NUAK1: variants seen among roughly 807,000 people sequenced by gnomAD.
NUAK1 encodes the protein NUAK family SNF1-like kinase 1.
In NUAK1, 26 loss-of-function variants were observed where a neutral mutation model predicts 56.9. The ratio of observed to expected loss-of-function variants is 0.46; its 90% CI spans 0.33 to 0.63. NUAK1 has a LOEUF of 0.63. Ranked by LOEUF, NUAK1 falls within the 30% of genes least tolerant of loss-of-function variation. The pLI, the probability that NUAK1 is intolerant of heterozygous loss-of-function variation, is 0.02. For missense variants in NUAK1, 727 were observed against 876.1 expected (o/e 0.83, Z 2.15); for synonymous variants, 337 against 336.0 (o/e 1.00, Z -0.03).
At chr12:106,129,986 T>TC (rs200236560) in intron 1 of NUAK1, among the ~76,000 whole-genome samples, 74 of 152,064 alleles carry the variant, frequency 4.9e-4, no homozygotes, top group East Asian at 1.9e-3. Context: ...CCTTTTTTTT[T>TC]TCTCTCTCTC....
At chr12:106,119,588 C>T (rs959183292) in intron 1 of NUAK1, among the ~76,000 whole-genome samples, 1 of 152,156 alleles carries the variant, frequency 6.6e-6, no homozygotes, top group African/African-American at 2.4e-5. Flanking sequence ...CTAGACACAG[C>T]CTCACTGACA....
At chr12:106,089,567 G>A (rs2032614303) in intron 2 of NUAK1, among the ~76,000 whole-genome samples, 1 of 152,170 alleles carries the variant, frequency 6.6e-6, no homozygotes, top group African/African-American at 2.4e-5. Flanking sequence ...TGAAGCAGGT[G>A]GATCACTTGA....
rs1338881094 is a variant in NUAK1 at position 106,086,839 on chromosome 12, G to C, written c.408C>G (p.Ser136Arg). ...DKIVIIMEYA[S>R]KGELYDYISE... ...TGATGTAATCGTACAGCTCCCCTTT[G>C]CTGGCATATTCCATGATGATCACAA... Residue 136 changes from serine (S) to arginine (R), a missense_variant, in exon 3 of 7, where the codon AGC becomes AGG. Coordinates refer to ENST00000261402, the MANE Select transcript of NUAK1 (RefSeq NM_014840.3). The C allele has an allele frequency of 6.2e-7, 1 of 1,614,130 alleles. No individual in the cohort carries two copies. Among genetic ancestry groups the C allele is most frequent in the Non-Finnish European group, 8.5e-7 (1 of 1,179,984 alleles).
intron 1 of NUAK1, among the ~76,000 whole-genome samples, chr12:106,129,633 AT>A (rs201841508): frequency 0.012 from 1,899 of 152,266 alleles, 45 homozygotes; most frequent in African/African-American, 0.042. Flanking sequence ...CCATGGGAGG[AT>A]TTTAAGCATG....
At position 106,067,918 on chromosome 12, in the gene NUAK1, G is replaced by A. The variant is rs1592846869; in HGVS notation, c.870C>T (p.Asn290=). 6.2e-6 allele frequency: 10 copies of A among 1,613,032 alleles called. No homozygotes were observed. The highest frequency in any genetic ancestry group is 1.1e-5 in the South Asian group (1 of 90,946). ...CCTCAATAGTGGCCCGGCGATCGGG[G>A]TTCACCATCAGCATCCACCGTATGA... The part of the protein sequence containing the change: ...RGLIRWMLMV[N]PDRRATIEDI... The change falls in exon 7 of 7, where the codon AAC becomes AAT. Residue 290 remains asparagine, a synonymous_variant. Coordinates refer to ENST00000261402, the MANE Select transcript of NUAK1 (RefSeq NM_014840.3). This position sits in a 1 kb window ranked among gnomAD's most constrained non-coding sequence, Gnocchi z 6.0.
At chr12:106,070,063 AAAAG>A in intron 6 of NUAK1, among the ~76,000 whole-genome samples, 2 of 152,310 alleles carry the variant, frequency 1.3e-5, no homozygotes, top group Middle Eastern at 3.4e-3. Context: ...AAATTTTAAA[AAAAG>A]AAAGAAAGCT....
chr12:106,099,873 C>A (rs2032730782), intron 2 of NUAK1, among the ~76,000 whole-genome samples: 1 of 151,666 alleles, frequency 6.6e-6, no homozygotes, highest in South Asian at 2.1e-4. Flanking sequence ...TCATTGCAAC[C>A]TCCACCTTCC....
intron 2 of NUAK1, chr12:106,105,813 T>C (rs1025135831): frequency 1.3e-5 from 2 of 152,214 alleles, no homozygotes; most frequent in South Asian, 2.1e-4. Flanking sequence ...ATTCTCTCCA[T>C]TTCTTCTCAT....
intron 2 of NUAK1, chr12:106,106,115 T>C (rs2032797120): frequency 4.0e-6 from 1 of 248,316 alleles, no homozygotes. Context: ...AAACCAGGGC[T>C]GTCTCACAAA....
At chr12:106,108,013 C>T (rs545551871) in intron 1 of NUAK1, among the ~76,000 whole-genome samples, 4 of 151,902 alleles carry the variant, frequency 2.6e-5, no homozygotes, top group South Asian at 4.2e-4. Flanking sequence ...GCTTGGCATA[C>T]GGTAGACCCG....
At chr12:106,111,514 A>G (rs1368147182) in intron 1 of NUAK1, among the ~76,000 whole-genome samples, 1 of 152,136 alleles carries the variant, frequency 6.6e-6, no homozygotes, top group African/African-American at 2.4e-5. Context: ...ATCTCCCTGC[A>G]TGCTCATTCA....
chr12:106,091,063 T>C (rs1044022184), intron 2 of NUAK1, among the ~76,000 whole-genome samples: 1 of 152,348 alleles, frequency 6.6e-6, no homozygotes, highest in African/African-American at 2.4e-5. Context: ...AGGGATACTC[T>C]TGGCCATTCT....
chr12:106,136,417 A>G (rs931084237), intron 1 of NUAK1, among the ~76,000 whole-genome samples: 2 of 152,156 alleles, frequency 1.3e-5, no homozygotes, highest in East Asian at 3.9e-4. Flanking sequence ...TTCTGCAAAT[A>G]CAGAGAAAGA....
chr12:106,120,127 C>T (rs2032959256), intron 1 of NUAK1, among the ~76,000 whole-genome samples: 1 of 152,158 alleles, frequency 6.6e-6, no homozygotes, highest in Non-Finnish European at 1.5e-5. Context: ...CTCTGCTTTT[C>T]CCACACCGGT....
rs766746646 is a variant in NUAK1 at position 106,070,782 on chromosome 12, T to G, written c.824A>C (p.Gln275Pro). 1.4e-4 allele frequency: 233 copies of G among 1,614,088 alleles called. No individual in the cohort carries two copies. The highest frequency in any genetic ancestry group is 1.8e-4 in the Non-Finnish European group (218 of 1,180,030). The stretch of plus-strand genomic sequence containing the variant: ...CTCCACAGGGCACGCACCTGAGGGC[T>G]GTGTTGGCTCCCGGTACTCTCCGCT... ...ISSGEYREPTQPSDARGLIRW... is the reference protein window; with the variant it reads ...ISSGEYREPTPPSDARGLIRW... Residue 275 changes from glutamine to proline, a missense_variant, in exon 6 of 7, where the codon CAG becomes CCG. Physicochemically the swap from Gln to Pro is moderately conservative, Grantham distance 76 (BLOSUM62 -1). Coordinates refer to ENST00000261402, the MANE Select transcript of NUAK1 (RefSeq NM_014840.3).
intron 1 of NUAK1, among the ~76,000 whole-genome samples, chr12:106,117,152 C>A (rs963840001): frequency 6.6e-6 from 1 of 152,176 alleles, no homozygotes; most frequent in African/African-American, 2.4e-5. Flanking sequence ...CCCCAAGATG[C>A]CTTTTGAAAG....
Position 106,064,382 on chromosome 12 carries a change from C to A in NUAK1, c.*2420G>T, listed in dbSNP as rs953134052. The A allele has an allele frequency of 2.0e-5, 3 of 152,328 alleles. No homozygotes were observed. The highest frequency in any genetic ancestry group is 7.2e-5 in the African/African-American group (3 of 41,574). The allele number at this position is 152,328 out of a possible 1,614,324, so 9.4% of individuals were successfully genotyped here. A position where few individuals can be genotyped will look rare whatever the true frequency, so the allele number is the denominator to read the frequency against. ...CACTGGAAGGAAAACTTAACCCCTG[C>A]AAACAATGCAGATGCCTAAGGCCAC... On this transcript the variant is annotated 3_prime_UTR_variant, in exon 7 of 7. Coordinates refer to ENST00000261402, the MANE Select transcript of NUAK1 (RefSeq NM_014840.3).
intron 2 of NUAK1, among the ~76,000 whole-genome samples, chr12:106,093,862 G>C (rs1316691899): frequency 6.6e-6 from 1 of 152,174 alleles, no homozygotes; most frequent in Non-Finnish European, 1.5e-5. Flanking sequence ...GCAGTGGCAA[G>C]ATCTCAGCTC....
In NUAK1 at chr12:106,138,492, G is replaced by C. The variant is rs1175820410; in HGVS notation, c.162C>G (p.Arg54=). 1 of 1,613,538 alleles carries C rather than the reference G, an allele frequency of 6.2e-7. No individual in the cohort carries two copies. Among genetic ancestry groups the C allele is most frequent in the Admixed American group, 1.7e-5 (1 of 60,010 alleles). ...RHHHKHNLKH[R]YELQETLGKG... is the part of the protein sequence containing the mutation. ...TGCCCAGGGTCTCCTGCAGCTCGTA[G>C]CGGTGCTTCAAGTTGTGCTTGTGGT... Residue 54 remains arginine (R), a synonymous_variant, in exon 1 of 7, where the codon CGC becomes CGG. Transcript: ENST00000261402. The surrounding 1 kb of genome is among the most constrained non-coding windows in gnomAD (Gnocchi z 5.0).
Sources: gnomAD v4.1 joint callset for allele counts (sites outside exome capture counted in the v4.1 genomes callset) on GRCh38, gnomAD v4.1.1 for gene constraint, Gnocchi (gnomAD v3.1) non-coding constraint, MANE v1.5 for transcripts, NCBI Gene and HGNC (gene_info 2026-07-23, HGNC 2026-07-21) for gene names.